Variants in BLTP1 observed in about 807,000 individuals in gnomAD.
The protein encoded by BLTP1 is bridge-like lipid transfer protein family member 1, also known as fragile site-associated protein.
chr4:122,193,963 C>T, the BLTP1 span, among the ~76,000 whole-genome samples: 20 of 151,626 alleles, frequency 1.3e-4, no homozygotes, highest in Admixed American at 5.9e-4. Context: ...CCCGGGTTCA[C>T]GCCATTCTCC....
At chr4:122,193,686 A>G in the BLTP1 span, 1 of 922,246 alleles carries the variant, frequency 1.1e-6, no homozygotes, top group Non-Finnish European at 1.3e-6. Flanking sequence ...CTATTCATGA[A>G]CTAGCTTTTT....
At chr4:122,310,550 A>G in the BLTP1 span, among the ~76,000 whole-genome samples, 1 of 152,248 alleles carries the variant, frequency 6.6e-6, no homozygotes, top group South Asian at 2.1e-4. Context: ...GGTATGAGTT[A>G]AGCGTAGTAA....
At chr4:122,257,599 A>G in the BLTP1 span, 9 of 1,020,050 alleles carry the variant, frequency 8.8e-6, no homozygotes, top group East Asian at 1.4e-4. Flanking sequence ...GATATTATGC[A>G]TCTTTTATCA....
chr4:122,179,559 A>G, the BLTP1 span, among the ~76,000 whole-genome samples: 1 of 152,104 alleles, frequency 6.6e-6, no homozygotes, highest in African/African-American at 2.4e-5. Context: ...GGAGTATTTT[A>G]TGTGGCAACA....
chr4:122,329,776 T>C, the BLTP1 span, among the ~76,000 whole-genome samples: 16 of 151,818 alleles, frequency 1.1e-4, no homozygotes, highest in African/African-American at 3.1e-4. Flanking sequence ...TCTTAACACC[T>C]TTTTAAGTGT....
chr4:122,251,421 C>G, the BLTP1 span: 60,375 of 882,734 alleles, frequency 0.068, 2,253 homozygotes, highest in Non-Finnish European at 0.075. Flanking sequence ...CTTTACCCCC[C>G]AGATTCCTAG....
chr4:122,321,296 A>G, the BLTP1 span, among the ~76,000 whole-genome samples: 4 of 152,264 alleles, frequency 2.6e-5, no homozygotes, highest in East Asian at 7.7e-4. Flanking sequence ...CTTTATGGGC[A>G]GTGGGAGTAC....
the BLTP1 span, chr4:122,353,665 T>G: frequency 2.6e-5 from 24 of 910,186 alleles, no homozygotes; most frequent in Non-Finnish European, 3.8e-5. This position sits in a 1 kb window ranked among gnomAD's most constrained non-coding sequence, Gnocchi z 4.3. Context: ...GAATTATTTG[T>G]GAATTATTTG....
the BLTP1 span, chr4:122,267,064 T>TTTTTTTTTTTTTTTTTG: frequency 2.1e-6 from 1 of 471,976 alleles, no homozygotes; most frequent in Non-Finnish European, 3.5e-6. Flanking sequence ...TTTTTTTTTT[T>TTTTTTTTTTTTTTTTTG]TTTTTTTTTT....
At chr4:122,223,235 C>T in the BLTP1 span, 1 of 771,890 alleles carries the variant, frequency 1.3e-6, no homozygotes. Flanking sequence ...TTAGAGTTAG[C>T]CCTTATCCTT....
chr4:122,210,349 A>G, the BLTP1 span, among the ~76,000 whole-genome samples: 262 of 152,254 alleles, frequency 1.7e-3, 2 homozygotes, highest in Middle Eastern at 6.8e-3. Context: ...ATGCATTTTG[A>G]CAGTTCTCAT....
chr4:122,258,509 T>A, the BLTP1 span: 2 of 259,470 alleles, frequency 7.7e-6, no homozygotes, highest in Non-Finnish European at 1.2e-5. Flanking sequence ...ATGGAATATG[T>A]GAAAGTCTAA....
chr4:122,226,035 G>T, the BLTP1 span: 2 of 152,218 alleles, frequency 1.3e-5, no homozygotes, highest in Non-Finnish European at 2.9e-5. Context: ...TCATGACTCT[G>T]TAGGCACTTT....
the BLTP1 span, among the ~76,000 whole-genome samples, chr4:122,253,305 A>G: frequency 4.6e-5 from 7 of 152,098 alleles, no homozygotes; most frequent in Admixed American, 2.6e-4. Flanking sequence ...CACCAAATGA[A>G]TTAAATAAGG....
chr4:122,340,831 A>C, the BLTP1 span: 2 of 956,936 alleles, frequency 2.1e-6, no homozygotes, highest in Non-Finnish European at 2.5e-6. Flanking sequence ...TTCATTATAG[A>C]AAATGAAAAG....
At chr4:122,188,122 C>G in the BLTP1 span, 1 of 1,399,678 alleles carries the variant, frequency 7.1e-7, no homozygotes, top group Non-Finnish European at 9.4e-7. Flanking sequence ...TAAAAAACTT[C>G]TTATAGGTAA....
At chr4:122,311,748 A>G in the BLTP1 span, among the ~76,000 whole-genome samples, 2 of 152,202 alleles carry the variant, frequency 1.3e-5, no homozygotes, top group Non-Finnish European at 2.9e-5. Context: ...GTGTATTCAG[A>G]CAAAATAAAC....
At chr4:122,304,747 ATGT>A in the BLTP1 span, 10 of 1,598,398 alleles carry the variant, frequency 6.3e-6, no homozygotes, top group South Asian at 1.1e-5. Context: ...GAGTAGGTAT[ATGT>A]TGTTGATTTA....
the BLTP1 span, among the ~76,000 whole-genome samples, chr4:122,339,713 A>C: frequency 6.6e-6 from 1 of 152,146 alleles, no homozygotes. Flanking sequence ...CCACATGTTC[A>C]AGTACTTTTG....
Sources: gnomAD v4.1 joint callset for allele counts (sites outside exome capture counted in the v4.1 genomes callset) on GRCh38, gnomAD v4.1.1 for gene constraint, Gnocchi (gnomAD v3.1) non-coding constraint, MANE v1.5 for transcripts, NCBI Gene and HGNC (gene_info 2026-07-23, HGNC 2026-07-21) for gene names.